TUSC3: variants seen among roughly 807,000 people sequenced by gnomAD.
TUSC3 encodes tumor suppressor candidate 3, also known as dolichyl-diphosphooligosaccharide--protein glycosyltransferase subunit TUSC3.
In TUSC3, 45 loss-of-function variants were observed where a neutral mutation model predicts 44.8. The ratio of observed to expected loss-of-function variants is 1.00; its 90% confidence interval spans 0.79 to 1.29. The LOEUF is 1.29. Ranked by LOEUF, TUSC3 falls within the 50% of genes most tolerant of loss-of-function variation. The pLI is 0.00. For missense variants in TUSC3, 519 were observed against 437.9 expected, an observed-to-expected ratio of 1.19 and a Z score of -1.65; for synonymous variants, 212 against 152.9, an observed-to-expected ratio of 1.39 and a Z score of -2.85.
the TUSC3 span, among the ~76,000 whole-genome samples, chr8:15,826,673 T>C: frequency 2.8e-3 from 429 of 152,246 alleles, 11 homozygotes; most frequent in East Asian, 0.075. Flanking sequence ...ATTTCAAGCA[T>C]GCTGTCACAT....
intron 6 of TUSC3, among the ~76,000 whole-genome samples, chr8:15,694,796 A>AG (rs929950016): frequency 6.6e-6 from 1 of 152,024 alleles, no homozygotes; most frequent in Non-Finnish European, 1.5e-5. Flanking sequence ...TGATTACTGG[A>AG]GGGGGTGAGT....
intron 9 of TUSC3, among the ~76,000 whole-genome samples, chr8:15,755,668 T>C (rs552414493): frequency 4.1e-4 from 62 of 151,572 alleles, no homozygotes; most frequent in Admixed American, 6.6e-4. Context: ...GGCAGAGGCA[T>C]AACACCCAAG....
At chr8:15,431,832 C>G (rs1220390112) in intron 1 of TUSC3, among the ~76,000 whole-genome samples, 1 of 152,112 alleles carries the variant, frequency 6.6e-6, no homozygotes, top group Non-Finnish European at 1.5e-5. Context: ...TGTTGAGGTA[C>G]TTGCCTTCTC....
intron 1 of TUSC3, among the ~76,000 whole-genome samples, chr8:15,573,761 G>A (rs575877275): frequency 6.6e-6 from 1 of 152,218 alleles, no homozygotes; most frequent in East Asian, 1.9e-4. Context: ...GGGAAGCCCT[G>A]CTTCTGAAGG....
At chr8:15,665,641 A>G (rs1807622594) in intron 5 of TUSC3, among the ~76,000 whole-genome samples, 1 of 151,194 alleles carries the variant, frequency 6.6e-6, no homozygotes. Context: ...AATATGTGGA[A>G]GTAATATATG....
chr8:15,540,277 C>A lies in TUSC3; in HGVS notation c.-154C>A. On this transcript the variant is annotated 5_prime_UTR_variant, in exon 1 of 11. Coordinates refer to ENST00000503731, the MANE Select transcript of TUSC3 (RefSeq NM_006765.4). ...GATGCTCTGTCAGTCTCCTCCTCTG[C>A]GTCCTCGGCCGCGGCCCGGGTCCCT... 9.2e-7 allele frequency: 1 copy of A among 1,083,628 alleles called. No individual in the cohort carries two copies. The highest frequency in any genetic ancestry group is 1.2e-6 in the Non-Finnish European group (1 of 818,854). 67.1% of individuals were successfully genotyped at this position (1,083,628 alleles called of 1,614,324 possible). A position where few individuals can be genotyped will look rare whatever the true frequency, so the allele number is the denominator to read the frequency against.
chr8:15,648,390 C>T (rs145249680), intron 2 of TUSC3, among the ~76,000 whole-genome samples: 1,895 of 152,030 alleles, frequency 0.012, 38 homozygotes, highest in African/African-American at 0.043. Context: ...TGACTAGACG[C>T]GGGCAGACTC....
chr8:15,796,039 G>C, the TUSC3 span, among the ~76,000 whole-genome samples: 1 of 151,680 alleles, frequency 6.6e-6, no homozygotes, highest in South Asian at 2.1e-4. Context: ...CAAACAATGT[G>C]GCCTTACCCT....
At chr8:15,520,983 G>T (rs61395980) in intron 2 of TUSC3, among the ~76,000 whole-genome samples, 8,716 of 152,238 alleles carry the variant, frequency 0.057, 289 homozygotes, top group Middle Eastern at 0.14. Flanking sequence ...TACAAGAAAA[G>T]CTTGGGACTG....
intron 1 of TUSC3, among the ~76,000 whole-genome samples, chr8:15,436,268 C>T (rs1039341421): frequency 3.9e-5 from 6 of 152,156 alleles, no homozygotes; most frequent in Admixed American, 6.5e-5. Flanking sequence ...TTGGTTTTGA[C>T]GGTTATCAAA....
intron 1 of TUSC3, among the ~76,000 whole-genome samples, chr8:15,423,098 TA>T (rs1160272182): frequency 6.6e-6 from 1 of 152,178 alleles, no homozygotes; most frequent in Non-Finnish European, 1.5e-5. Context: ...AAGTTTTTTT[TA>T]AGAAAAAAGT....
At chr8:15,695,129 C>T (rs182440453) in intron 6 of TUSC3, among the ~76,000 whole-genome samples, 29 of 152,260 alleles carry the variant, frequency 1.9e-4, no homozygotes, top group Admixed American at 3.9e-4. Flanking sequence ...GTGGAAAGAT[C>T]GGGTACAGGA....
intron 8 of TUSC3, among the ~76,000 whole-genome samples, chr8:15,744,653 T>G (rs1481169627): frequency 6.6e-6 from 1 of 152,112 alleles, no homozygotes; most frequent in Non-Finnish European, 1.5e-5. Context: ...CAGTTTAGAC[T>G]GCCCTCTTTT....
At chr8:15,785,526 G>T in the TUSC3 span, among the ~76,000 whole-genome samples, 1 of 149,810 alleles carries the variant, frequency 6.7e-6, no homozygotes, top group Non-Finnish European at 1.5e-5. Flanking sequence ...TTGGAAAACA[G>T]CCCTCTGAGA....
chr8:15,822,308 G>C, the TUSC3 span, among the ~76,000 whole-genome samples: 1 of 152,168 alleles, frequency 6.6e-6, no homozygotes, highest in African/African-American at 2.4e-5. Context: ...ATAAGGAAGA[G>C]ACTAGGCTAC....
chr8:15,748,278 G>C lies in TUSC3; in HGVS notation c.938-97G>C, dbSNP rs1020109876. ...CTGTATGTACCATGAACTGTTAAAT[G>C]TAAGTATACTGTAATTGAATGCATT... On this transcript the variant is annotated intron_variant, in intron 8 of 10. Coordinates refer to ENST00000503731, the MANE Select transcript of TUSC3 (RefSeq NM_006765.4). 7.6e-6 allele frequency: 7 copies of C among 919,066 alleles called. No homozygotes were observed. The East Asian group carries it at 1.4e-4, about 19-fold the overall frequency. 56.9% of individuals were successfully genotyped at this position (919,066 alleles called of 1,614,324 possible).
intron 6 of TUSC3, among the ~76,000 whole-genome samples, chr8:15,704,379 C>G (rs1323726778): frequency 6.6e-6 from 1 of 150,912 alleles, no homozygotes; most frequent in Non-Finnish European, 1.5e-5. Context: ...GGCAAGAGCA[C>G]AAGTTGACAT....
chr8:15,484,136 A>G (rs184880162), intron 2 of TUSC3, among the ~76,000 whole-genome samples: 331 of 151,572 alleles, frequency 2.2e-3, no homozygotes, highest in African/African-American at 7.1e-3. Flanking sequence ...TTGTTTTCTA[A>G]ATCCTTCTCA....
rs1049540202 is a variant in TUSC3, at chr8:15,585,280, G to T, written c.139-37800G>T. Among the ~76,000 whole-genome samples the T allele has an allele frequency of 2.0e-5, 3 of 152,084 alleles. No homozygotes were observed. The South Asian group carries it at 6.2e-4, about 32-fold the overall frequency. On this transcript the variant is annotated intron_variant, in intron 1 of 10. Transcript: ENST00000503731. Reference sequence around the variant, plus strand: ...TCCTTGGCAATTTCATTCAATAAAGGTTCAAGAGAGAGGTACAGATTTGAG... The same window carrying T: ...TCCTTGGCAATTTCATTCAATAAAGTTTCAAGAGAGAGGTACAGATTTGAG...
Sources: gnomAD v4.1 joint callset for allele counts (sites outside exome capture counted in the v4.1 genomes callset) on GRCh38, gnomAD v4.1.1 for gene constraint, MANE v1.5 for transcripts, NCBI Gene and HGNC (gene_info 2026-07-23, HGNC 2026-07-21) for gene names.